KIAA1549L: variants seen among roughly 807,000 people sequenced by gnomAD.
KIAA1549L encodes the protein UPF0606 protein KIAA1549L.
In KIAA1549L, 88 loss-of-function variants were observed where a neutral mutation model predicts 160.7. The ratio of observed to expected loss-of-function variants is 0.55; its 90% CI spans 0.46 to 0.65. The LOEUF is 0.65. Ranked by LOEUF, KIAA1549L falls within the 30% of genes least tolerant of loss-of-function variation. The pLI is 0.00. For synonymous variants in KIAA1549L, 950 were observed against 976.7 expected (o/e 0.97, Z 0.51); for missense variants, 2,258 against 2,437.5 (o/e 0.93, Z 1.55).
chr11:33,376,783 G>T lies in KIAA1549L; in HGVS notation c.132G>T (p.Arg44Ser), dbSNP rs1232443991. ...GAGCCGCGCGCTGCACGGGTGTGAG[G>T]GGCCCCGGGGCCGGCGCGTCCCACG... The part of the protein sequence containing the change: ...AWGAARCTGV[R>S]GPGAGASHDA... The change falls in exon 1 of 21, where the codon AGG becomes AGT. Residue 44 changes from arginine to serine, a missense_variant. Around this residue, in one of 6 missense-constraint regions of KIAA1549L, gnomAD observed 540 missense variants for 465.7 expected, o/e 1.16. Transcript: ENST00000658780. This position sits in a 1 kb window ranked among gnomAD's most constrained non-coding sequence, Gnocchi z 5.8. The T allele has an allele frequency of 6.6e-6, 1 of 151,846 alleles. No individual in the cohort carries two copies. The highest frequency in any genetic ancestry group is 1.5e-5 in the Non-Finnish European group (1 of 68,024). The allele number at this position is 151,846 out of a possible 1,614,324, so 9.4% of individuals were successfully genotyped here.
At chr11:33,478,005 C>T (rs1407952902) in intron 1 of KIAA1549L, among the ~76,000 whole-genome samples, 3 of 152,218 alleles carry the variant, frequency 2.0e-5, no homozygotes, top group Admixed American at 1.3e-4. Flanking sequence ...GGTCCAGCTA[C>T]ATTTAGACAG....
intron 1 of KIAA1549L, among the ~76,000 whole-genome samples, chr11:33,476,796 G>A (rs901457557): frequency 5.9e-5 from 9 of 152,100 alleles, no homozygotes; most frequent in African/African-American, 1.7e-4. Flanking sequence ...CTCTCCTAAC[G>A]TCACACTGAA....
At chr11:33,381,098 C>G (rs758335285) in intron 1 of KIAA1549L, among the ~76,000 whole-genome samples, 20 of 151,936 alleles carry the variant, frequency 1.3e-4, no homozygotes, top group Non-Finnish European at 2.5e-4. Flanking sequence ...TTACCAGTCA[C>G]GTGAAGATCT....
intron 1 of KIAA1549L, among the ~76,000 whole-genome samples, chr11:33,398,095 T>C (rs1850423978): frequency 6.6e-6 from 1 of 151,584 alleles, no homozygotes; most frequent in Admixed American, 6.6e-5. Context: ...CTAATTTTTG[T>C]ATTTTTAGTA....
rs1554919719 is a variant in KIAA1549L, at chr11:33,598,229, T to TCTGA, written c.4752-590_4752-589insTGAC. 3.9e-3 allele frequency among the ~76,000 whole-genome samples: 579 copies of TCTGA among 148,028 alleles called. 4 individuals are homozygous for TCTGA. Among genetic ancestry groups the TCTGA allele is most frequent in the East Asian group, 6.8e-3 (34 of 5,006 alleles). On this transcript the variant is annotated intron_variant, in intron 12 of 20. Transcript: ENST00000658780. Reference sequence around the variant, plus strand: ...GTGTGTGTGTGTGTGTGTGTGTGTGTCAGAGTGAAGCCCCTAGTGATGGGG... The same window carrying TCTGA: ...GTGTGTGTGTGTGTGTGTGTGTGTGTCTGACAGAGTGAAGCCCCTAGTGATGGGG...
intron 12 of KIAA1549L, among the ~76,000 whole-genome samples, chr11:33,595,001 T>TTC (rs1850161129): frequency 6.6e-6 from 1 of 152,204 alleles, no homozygotes; most frequent in Admixed American, 6.5e-5. Context: ...ACATAGTACT[T>TTC]TCAGGAAGAA....
intron 1 of KIAA1549L, among the ~76,000 whole-genome samples, chr11:33,403,937 A>G (rs995944762): frequency 1.3e-5 from 2 of 152,166 alleles, no homozygotes; most frequent in African/African-American, 4.8e-5. Flanking sequence ...CGGCTTTCCA[A>G]GGGGGCCATG....
chr11:33,430,775 A>G (rs1851222392), intron 1 of KIAA1549L, among the ~76,000 whole-genome samples: 1 of 152,146 alleles, frequency 6.6e-6, no homozygotes, highest in South Asian at 2.1e-4. Context: ...GGCAGGAGGT[A>G]TTTCTGTTTT....
In KIAA1549L at chr11:33,670,328, G is replaced by A. The variant is rs1852630027; in HGVS notation, c.*2174G>A. ...TTCAGAAGACAGTGTCTGAAATTTG[G>A]CTGTTTCAATGACTTACAGAGACTG... On this transcript the variant is annotated 3_prime_UTR_variant, in exon 21 of 21. Transcript: ENST00000658780. 6.6e-6 allele frequency: 1 copy of A among 152,176 alleles called. No homozygotes were observed. The highest frequency in any genetic ancestry group is 1.5e-5 in the Non-Finnish European group (1 of 68,026). 9.4% of individuals were successfully genotyped at this position (152,176 alleles called of 1,614,324 possible).
chr11:33,534,291 C>T (rs765133293), intron 1 of KIAA1549L, among the ~76,000 whole-genome samples: 10 of 151,754 alleles, frequency 6.6e-5, no homozygotes, highest in Non-Finnish European at 1.0e-4. Flanking sequence ...GGGGTTTCAC[C>T]GTGTTGGTCA....
chr11:33,624,131 C>G (rs1396421915), intron 16 of KIAA1549L, among the ~76,000 whole-genome samples: 1 of 152,172 alleles, frequency 6.6e-6, no homozygotes, highest in Non-Finnish European at 1.5e-5. Context: ...TCAGCTGACC[C>G]CATGGAGGCT....
At chr11:33,570,561 G>A (rs1182316682) in intron 9 of KIAA1549L, among the ~76,000 whole-genome samples, 1 of 152,004 alleles carries the variant, frequency 6.6e-6, no homozygotes, top group African/African-American at 2.4e-5. Context: ...TTCCCACTAG[G>A]GAAAGGAATA....
At chr11:33,567,980 C>T in intron 8 of KIAA1549L, 96 bp from the exon 9 acceptor site, 1 of 1,288,276 alleles carries the variant, frequency 7.8e-7, no homozygotes, top group East Asian at 2.7e-5. Context: ...GACACAGTGG[C>T]CCTTGGTGGC....
At chr11:33,525,311 C>T (rs749647814) in intron 1 of KIAA1549L, among the ~76,000 whole-genome samples, 22 of 152,178 alleles carry the variant, frequency 1.4e-4, no homozygotes, top group African/African-American at 4.3e-4. Flanking sequence ...CCTGAAAATA[C>T]AGATCATGGG....
intron 1 of KIAA1549L, among the ~76,000 whole-genome samples, chr11:33,439,613 G>T (rs1296729027): frequency 7.2e-6 from 1 of 139,850 alleles, no homozygotes; most frequent in Admixed American, 7.4e-5. Context: ...GGGTTTCACT[G>T]TGTTAGCCAG....
intron 1 of KIAA1549L, among the ~76,000 whole-genome samples, chr11:33,427,046 C>G (rs1220880067): frequency 1.3e-5 from 2 of 152,158 alleles, no homozygotes; most frequent in Admixed American, 6.5e-5. Context: ...TCCACCTTTA[C>G]CCAGGCAACT....
rs1433325636 is a variant in KIAA1549L at position 33,435,792 on chromosome 11, A to ATGTGTGTGTGTGTGTGTG, written c.238+58904_238+58905insGTGTGTGTGTGTGTGTGT. Among the ~76,000 whole-genome samples, 8 of 13,060 alleles carry ATGTGTGTGTGTGTGTGTG rather than the reference A, an allele frequency of 6.1e-4. 1 individual carries two copies. Among genetic ancestry groups the ATGTGTGTGTGTGTGTGTG allele is most frequent in the Admixed American group, 5.3e-3 (4 of 758 alleles). The allele number at this position is 13,060 out of a possible 152,430, so 8.6% of individuals were successfully genotyped here. On this transcript the variant is annotated intron_variant, in intron 1 of 20. Coordinates refer to ENST00000658780, the MANE Select transcript of KIAA1549L (RefSeq NM_012194.3). ...TATATATATATATATATATATATATATATATATATATATATATATGTGTGT... is the reference window on the plus strand; with the variant it reads ...TATATATATATATATATATATATATATGTGTGTGTGTGTGTGTGTATATATATATATATATATGTGTGT...
chr11:33,436,362 C>T (rs1851381128), intron 1 of KIAA1549L, among the ~76,000 whole-genome samples: 1 of 152,196 alleles, frequency 6.6e-6, no homozygotes, highest in Non-Finnish European at 1.5e-5. Context: ...CCAGTCCAAG[C>T]CCAACTCTGA....
Position 33,542,819 on chromosome 11 carries a change from C to G in KIAA1549L, c.1256C>G (p.Pro419Arg). Residue 419 changes from proline to arginine, a missense_variant, in exon 2 of 21, where the codon CCA becomes CGA. Physicochemically the swap from Pro to Arg is moderately radical, Grantham distance 103. Coordinates refer to ENST00000658780, the MANE Select transcript of KIAA1549L (RefSeq NM_012194.3). ...TETATHEAEPPLFQTAESGAI... is the reference protein window; with the variant it reads ...TETATHEAEPRLFQTAESGAI... ...ACAGCGACCCATGAGGCTGAGCCTCCACTTTTCCAGACTGCAGAATCAGGG... is the reference window on the plus strand; with the variant it reads ...ACAGCGACCCATGAGGCTGAGCCTCGACTTTTCCAGACTGCAGAATCAGGG... 6.2e-7 allele frequency: 1 copy of G among 1,613,904 alleles called. No individual in the cohort carries two copies. The highest frequency in any genetic ancestry group is 2.2e-5 in the East Asian group (1 of 44,880).
Sources: gnomAD v4.1 joint callset for allele counts (sites outside exome capture counted in the v4.1 genomes callset) on GRCh38, gnomAD v4.1.1 for gene constraint, gnomAD v4.1.1 regional missense constraint, Gnocchi (gnomAD v3.1) non-coding constraint, MANE v1.5 for transcripts, NCBI Gene and HGNC (gene_info 2026-07-23, HGNC 2026-07-21) for gene names.